Variants in TMEM266 observed in about 807,000 individuals in gnomAD.
TMEM266 encodes the protein Hv1 related protein 1.
In TMEM266, 33 loss-of-function variants were observed where a neutral mutation model predicts 50.5. The ratio of observed to expected loss-of-function variants is 0.65; its 90% confidence interval spans 0.50 to 0.87. TMEM266 has a LOEUF of 0.87. Among genes scored for constraint, TMEM266 ranks in the 40% least tolerant of loss-of-function variants. The pLI is 0.00. For missense variants in TMEM266, 655 were observed against 695.1 expected, an observed-to-expected ratio of 0.94 and a Z score of 0.65; for synonymous variants, 310 against 292.3, an observed-to-expected ratio of 1.06 and a Z score of -0.62.
At chr15:76,189,454 A>G (rs572760409) in intron 8 of TMEM266, among the ~76,000 whole-genome samples, 5 of 152,286 alleles carry the variant, frequency 3.3e-5, no homozygotes, top group African/African-American at 9.6e-5. Context: ...GGTTTTAGTG[A>G]ATTGCGGGGA....
intron 9 of TMEM266, 72 bp downstream of exon 9, chr15:76,192,229 G>T: frequency 7.5e-7 from 1 of 1,334,776 alleles, no homozygotes. Flanking sequence ...CTCGCGCCCC[G>T]GGACTGTGCG....
intron 1 of TMEM266, among the ~76,000 whole-genome samples, chr15:76,127,767 T>G (rs904283): frequency 0.22 from 33,204 of 152,048 alleles, 5,092 homozygotes; most frequent in African/African-American, 0.43. Flanking sequence ...TTTGCAACCA[T>G]TTAACTTCAT....
At chr15:76,112,395 C>G (rs2037183101) in intron 1 of TMEM266, among the ~76,000 whole-genome samples, 3 of 152,212 alleles carry the variant, frequency 2.0e-5, no homozygotes, top group African/African-American at 7.2e-5. Flanking sequence ...GGAAGGGTAT[C>G]TATGGTAATG....
chr15:76,142,074 C>G (rs1019542572), intron 3 of TMEM266, among the ~76,000 whole-genome samples: 2 of 152,176 alleles, frequency 1.3e-5, no homozygotes, highest in Non-Finnish European at 2.9e-5. Flanking sequence ...ATGAACAGAC[C>G]TGTACAAATA....
At chr15:76,184,599 T>G (rs1213643618) in intron 8 of TMEM266, among the ~76,000 whole-genome samples, 2 of 152,272 alleles carry the variant, frequency 1.3e-5, no homozygotes, top group Non-Finnish European at 2.9e-5. Flanking sequence ...GCAGAATTAC[T>G]GCTATTGCAT....
intron 8 of TMEM266, among the ~76,000 whole-genome samples, chr15:76,182,623 G>A (rs2038432785): frequency 1.3e-5 from 2 of 152,086 alleles, no homozygotes; most frequent in African/African-American, 4.8e-5. Context: ...CAGCCTGGGT[G>A]ACAGAGCGAG....
At chr15:76,167,412 G>A (rs1416735241) in intron 5 of TMEM266, among the ~76,000 whole-genome samples, 1 of 150,090 alleles carries the variant, frequency 6.7e-6, no homozygotes, top group East Asian at 2.0e-4. Context: ...GGAGCTTGCA[G>A]TGAGCCAAGA....
intron 3 of TMEM266, among the ~76,000 whole-genome samples, chr15:76,146,343 TA>T (rs2037755538): frequency 6.6e-6 from 1 of 152,076 alleles, no homozygotes; most frequent in South Asian, 2.1e-4. Context: ...TTGTCAAAAA[TA>T]AAAATAAAGT....
rs372746075 is a variant in TMEM266 at position 76,158,264 on chromosome 15, GA to G, written c.382+1507del. 5.4e-3 allele frequency among the ~76,000 whole-genome samples: 818 copies of G among 152,322 alleles called. 6 individuals carry two copies. The highest frequency in any genetic ancestry group is 8.0e-3 in the Non-Finnish European group (547 of 68,026). On this transcript the variant is annotated intron_variant, in intron 4 of 10. Coordinates refer to ENST00000388942, the MANE Select transcript of TMEM266 (RefSeq NM_152335.3). ...GGTGAGCACAGAATTGCTTTTGTCT[GA>G]TAAGCCTAGTTGGGTTTTATGCAGC...
chr15:76,201,418 G>T (rs568957472), intron 9 of TMEM266, among the ~76,000 whole-genome samples: 63 of 152,186 alleles, frequency 4.1e-4, no homozygotes, highest in African/African-American at 1.5e-3. Context: ...TGGAGACAGG[G>T]TCTCACTCTG....
At chr15:76,170,596 C>T (rs750227233) in intron 6 of TMEM266, among the ~76,000 whole-genome samples, 5 of 152,306 alleles carry the variant, frequency 3.3e-5, no homozygotes, top group East Asian at 1.9e-4. Context: ...ATGCGGGTTC[C>T]GGGCTCCTGT....
Position 76,202,908 on chromosome 15 carries a change from T to C in TMEM266, c.1021+644T>C, listed in dbSNP as rs201384591. 2.4e-4 allele frequency among the ~76,000 whole-genome samples: 37 copies of C among 152,164 alleles called. No individual in the cohort carries two copies. In the East Asian group the frequency reaches 5.4e-3, roughly 22 times the overall value. On this transcript the variant is annotated intron_variant, in intron 10 of 10. Transcript: ENST00000388942. ...CATGTGAGTAATGCATTTGAATTTT[T>C]TGTTTTCCACAATTTAGTCTCCCTA...
intron 1 of TMEM266, among the ~76,000 whole-genome samples, chr15:76,117,478 C>T (rs896683788): frequency 3.9e-5 from 6 of 152,114 alleles, no homozygotes; most frequent in Admixed American, 2.6e-4. Flanking sequence ...GGACCATCTC[C>T]ACACCCACCT....
chr15:76,204,045 C>G lies in TMEM266; in HGVS notation c.1326C>G (p.Asp442Glu). The G allele has an allele frequency of 6.2e-7, 1 of 1,612,380 alleles. No homozygotes were observed. Among genetic ancestry groups the G allele is most frequent in the Non-Finnish European group, 8.5e-7 (1 of 1,179,196 alleles). Residue 442 changes from aspartate (D) to glutamate (E), a missense_variant, in exon 11 of 11, where the codon GAC (aspartate) becomes GAG (glutamate). Asp to Glu is a conservative substitution (Grantham distance 45, BLOSUM62 2). Transcript: ENST00000388942. ...VQDLLSSLSE[D>E]PCPSQKALDP... Reference sequence around the variant, plus strand: ...AGGTGGAGGAGGCCACAGTCCAGGACCTGCTGTCCTCCCTGTCGGAGGACC... The same window carrying G: ...AGGTGGAGGAGGCCACAGTCCAGGAGCTGCTGTCCTCCCTGTCGGAGGACC...
chr15:76,073,565 C>T (rs1309284566), intron 1 of TMEM266, among the ~76,000 whole-genome samples: 1 of 152,200 alleles, frequency 6.6e-6, no homozygotes, highest in Non-Finnish European at 1.5e-5. Context: ...GGTGCAGTTC[C>T]TTAAAACAGC....
intron 1 of TMEM266, among the ~76,000 whole-genome samples, chr15:76,084,522 A>G (rs2036742039): frequency 6.6e-6 from 1 of 152,184 alleles, no homozygotes. Context: ...CAACTGGGAC[A>G]CAGGTCATGA....
intron 1 of TMEM266, among the ~76,000 whole-genome samples, chr15:76,127,003 G>C (rs1477339060): frequency 6.6e-6 from 1 of 152,024 alleles, no homozygotes; most frequent in Non-Finnish European, 1.5e-5. Flanking sequence ...AATATATTAG[G>C]TCTGTGACTA....
chr15:76,137,202 A>G (rs1026925305), intron 2 of TMEM266, among the ~76,000 whole-genome samples: 1 of 152,320 alleles, frequency 6.6e-6, no homozygotes, highest in East Asian at 1.9e-4. Flanking sequence ...ACAAGTCTCC[A>G]TGCAGGCTCC....
intron 9 of TMEM266, among the ~76,000 whole-genome samples, chr15:76,193,572 G>A (rs1350785330): frequency 1.3e-5 from 2 of 152,168 alleles, no homozygotes; most frequent in South Asian, 4.1e-4. Context: ...GGGGGCTAGA[G>A]GGGATTTCTG....
Sources: gnomAD v4.1 joint callset for allele counts (sites outside exome capture counted in the v4.1 genomes callset) on GRCh38, gnomAD v4.1.1 for gene constraint, MANE v1.5 for transcripts, NCBI Gene and HGNC (gene_info 2026-07-23, HGNC 2026-07-21) for gene names.